PLAAT1: variants seen among roughly 807,000 people sequenced by gnomAD.
PLAAT1 encodes phospholipase A and acyltransferase 1.
Under a neutral mutation model 16.4 loss-of-function variants are expected in PLAAT1, and 13 were observed. The observed-to-expected ratio is 0.79, with a 90% CI of 0.52 to 1.26. PLAAT1 has a LOEUF of 1.26. PLAAT1 is among the 50% of genes most tolerant of loss of function. The pLI is 0.00. For synonymous variants in PLAAT1, 73 were observed against 78.4 expected, an observed-to-expected ratio of 0.93 and a Z score of 0.36; for missense variants, 218 against 207.8, an observed-to-expected ratio of 1.05 and a Z score of -0.30.
At chr3:193,275,114 A>G, downstream of PLAAT1, 2 of 1,614,188 alleles carry the variant, frequency 1.2e-6, no homozygotes, top group Non-Finnish European at 1.7e-6. Flanking sequence ...GAATCTGTTC[A>G]TGGCTTTCAT....
chr3:193,255,553 C>T, intron 1 of PLAAT1, 98 bp from the exon 2 acceptor site: 2 of 1,219,214 alleles, frequency 1.6e-6, no homozygotes, highest in Non-Finnish European at 1.1e-6. Context: ...AATGCAGTCT[C>T]AATAAATTCT....
intron 1 of PLAAT1, among the ~76,000 whole-genome samples, chr3:193,251,210 C>T (rs546856532): frequency 5.2e-4 from 79 of 152,254 alleles, no homozygotes; most frequent in African/African-American, 1.9e-3. Flanking sequence ...AGGAGCAAAC[C>T]AGGCAAGAAA....
intron 2 of PLAAT1, among the ~76,000 whole-genome samples, chr3:193,256,647 A>C (rs1401825267): frequency 1.3e-5 from 2 of 152,210 alleles, no homozygotes; most frequent in African/African-American, 4.8e-5. Context: ...CAGTGTTGAT[A>C]AGAATATAGT....
At chr3:193,269,900 A>C (rs1716924093) in intron 3 of PLAAT1, among the ~76,000 whole-genome samples, 1 of 152,188 alleles carries the variant, frequency 6.6e-6, no homozygotes, top group Non-Finnish European at 1.5e-5. Flanking sequence ...GTTGATCTTG[A>C]GAGTGGTTTG....
intron 2 of PLAAT1, among the ~76,000 whole-genome samples, chr3:193,261,745 A>G (rs1351390907): frequency 6.6e-6 from 1 of 152,196 alleles, no homozygotes; most frequent in Non-Finnish European, 1.5e-5. Flanking sequence ...TTGATCCTGT[A>G]GATTGATATT....
downstream of PLAAT1, among the ~76,000 whole-genome samples, chr3:193,272,487 A>G (rs1362763656): frequency 6.6e-6 from 1 of 152,140 alleles, no homozygotes; most frequent in African/African-American, 2.4e-5. Flanking sequence ...GTTTTCTAGT[A>G]TTGTCAAGTT....
downstream of PLAAT1, among the ~76,000 whole-genome samples, chr3:193,278,439 A>C (rs1355654130): frequency 6.6e-6 from 1 of 152,086 alleles, no homozygotes. Context: ...ATTCTTGTTC[A>C]TACTCCACAG....
downstream of PLAAT1, among the ~76,000 whole-genome samples, chr3:193,275,527 C>T (rs977377749): frequency 6.6e-6 from 1 of 152,172 alleles, no homozygotes; most frequent in Admixed American, 6.5e-5. Flanking sequence ...TTCCTTTTCA[C>T]ACATTTCCTG....
downstream of PLAAT1, chr3:193,281,076 G>C (rs1452010193): frequency 2.3e-6 from 1 of 441,734 alleles, no homozygotes; most frequent in Non-Finnish European, 3.0e-6. Context: ...TGCTTGGGAA[G>C]GGTATGAGGC....
chr3:193,279,218 A>G (rs969867480), downstream of PLAAT1: 3 of 601,668 alleles, frequency 5.0e-6, no homozygotes, highest in Middle Eastern at 5.4e-4. Context: ...TGAAATCCAG[A>G]TATCTTATTT....
At chr3:193,241,009 G>C (rs1027466318), upstream of PLAAT1, 2 of 373,518 alleles carry the variant, frequency 5.4e-6, no homozygotes, top group Non-Finnish European at 9.3e-6. Flanking sequence ...GTGCGGAGCC[G>C]GGGGCGGAAT....
chr3:193,243,911 A>G (rs1715874406), intron 1 of PLAAT1, among the ~76,000 whole-genome samples: 1 of 152,198 alleles, frequency 6.6e-6, no homozygotes, highest in African/African-American at 2.4e-5. Flanking sequence ...TGTGTTCACT[A>G]TCTTTTTAAA....
At chr3:193,247,848 A>G (rs1447908339) in intron 1 of PLAAT1, among the ~76,000 whole-genome samples, 2 of 152,172 alleles carry the variant, frequency 1.3e-5, no homozygotes, top group Non-Finnish European at 2.9e-5. Flanking sequence ...GTGATATATC[A>G]TATGATCTAC....
chr3:193,263,454 G>A (rs1716664569), intron 3 of PLAAT1, among the ~76,000 whole-genome samples: 4 of 150,994 alleles, frequency 2.6e-5, no homozygotes, highest in South Asian at 2.1e-4. Flanking sequence ...GGGACTTGAA[G>A]TAGAATCAAG....
At chr3:193,245,149 C>T (rs1392631425) in intron 1 of PLAAT1, among the ~76,000 whole-genome samples, 2 of 152,176 alleles carry the variant, frequency 1.3e-5, no homozygotes, top group East Asian at 1.9e-4. Context: ...CCTACTTCTT[C>T]AGTCTAACTG....
At chr3:193,253,621 A>G (rs1249014759) in intron 1 of PLAAT1, among the ~76,000 whole-genome samples, 2 of 152,184 alleles carry the variant, frequency 1.3e-5, no homozygotes, top group African/African-American at 4.8e-5. Context: ...CCTATTTTCA[A>G]CATGAGGAAA....
At chr3:193,274,375 C>A (rs1318309695), downstream of PLAAT1, among the ~76,000 whole-genome samples, 2 of 152,100 alleles carry the variant, frequency 1.3e-5, no homozygotes, top group Non-Finnish European at 2.9e-5. Context: ...GTTCACTGGC[C>A]CCTAAACACT....
chr3:193,255,512 A>T, intron 1 of PLAAT1, 139 bp from the exon 2 acceptor site: 1 of 766,788 alleles, frequency 1.3e-6, no homozygotes, highest in Non-Finnish European at 2.0e-6. Flanking sequence ...AAAGAAAAGG[A>T]CAGGGTCGTG....
downstream of PLAAT1, chr3:193,274,960 G>GGA (rs571296524): frequency 1.0e-4 from 155 of 1,540,378 alleles, 1 homozygote; most frequent in African/African-American, 2.0e-3. Flanking sequence ...AAAGGTAAGG[G>GGA]GAGAGTATCA....
Sources: allele counts gnomAD v4.1 joint callset (sites outside exome capture counted in the v4.1 genomes callset), GRCh38; gene constraint gnomAD v4.1.1; transcripts MANE v1.5; gene names NCBI Gene and HGNC (gene_info 2026-07-23, HGNC 2026-07-21).